Variants in GNA12 observed in about 807,000 individuals in gnomAD.
The protein encoded by GNA12 is G protein subunit alpha 12, also known as guanine nucleotide-binding protein subunit alpha-12.
Under a neutral mutation model 26.0 loss-of-function variants are expected in GNA12, and 9 were observed. That is an observed-to-expected ratio of 0.35 (90% CI 0.21 to 0.60). The LOEUF is 0.60. Ranked by LOEUF, GNA12 falls within the 20% of genes least tolerant of loss-of-function variation. The probability of loss-of-function intolerance (pLI) is 0.78; values close to 1 mark genes in which losing one functional copy is unlikely to be tolerated. For missense variants in GNA12, 405 were observed against 525.8 expected, an observed-to-expected ratio of 0.77 and a Z score of 2.25; for synonymous variants, 264 against 219.6, an observed-to-expected ratio of 1.20 and a Z score of -1.79.
intron 2 of GNA12, among the ~76,000 whole-genome samples, chr7:2,770,653 CAAAACA>C (rs1791924975): frequency 6.6e-6 from 1 of 151,664 alleles, no homozygotes; most frequent in Admixed American, 6.6e-5. Context: ...ATAACAACAA[CAAAACA>C]AAACAAAACA....
chr7:2,810,924 A>AG (rs71026562), intron 1 of GNA12, among the ~76,000 whole-genome samples: 19 of 151,340 alleles, frequency 1.3e-4, no homozygotes, highest in African/African-American at 3.9e-4. Flanking sequence ...AAAGAAAGAA[A>AG]AAAACAAAAA....
intron 2 of GNA12, chr7:2,763,144 C>T: frequency 1.7e-6 from 2 of 1,196,352 alleles, no homozygotes; most frequent in South Asian, 4.0e-5. Flanking sequence ...AAGCATTTCT[C>T]GAATATTCTG....
At position 2,788,325 on chromosome 7, in the gene GNA12, G is replaced by C. The variant is rs1478650498; in HGVS notation, c.525+6603C>G. Among the ~76,000 whole-genome samples, 3 of 152,092 alleles carry C rather than the reference G, an allele frequency of 2.0e-5. No homozygotes were observed. The East Asian group carries it at 5.8e-4, about 29-fold the overall frequency. The stretch of plus-strand genomic sequence containing the variant: ...ACAGCCTGCCTTGTCGCTGTGGCCA[G>C]GTAACTGTGTTCCCGTTCAGGAGAC... On this transcript the variant is annotated intron_variant, in intron 2 of 3. Coordinates refer to ENST00000275364, the MANE Select transcript of GNA12 (RefSeq NM_007353.3).
chr7:2,826,324 C>T (rs561019733), intron 1 of GNA12, among the ~76,000 whole-genome samples: 14 of 149,472 alleles, frequency 9.4e-5, no homozygotes, highest in African/African-American at 3.4e-4. Context: ...TTGCAGTGAG[C>T]CGAGATCACG....
intron 1 of GNA12, among the ~76,000 whole-genome samples, chr7:2,809,786 G>A (rs1489585824): frequency 6.6e-6 from 1 of 152,058 alleles, no homozygotes; most frequent in Admixed American, 6.5e-5. Flanking sequence ...TCACACATCT[G>A]TAAATATGTA....
At chr7:2,794,833 G>T in intron 2 of GNA12, 95 bp downstream of exon 2, 3 of 903,332 alleles carry the variant, frequency 3.3e-6, no homozygotes, top group Non-Finnish European at 5.4e-6. Context: ...TGCTTGGACT[G>T]TTACACAGTT....
chr7:2,792,607 T>C (rs966124389), intron 2 of GNA12, among the ~76,000 whole-genome samples: 1 of 152,232 alleles, frequency 6.6e-6, no homozygotes, highest in Non-Finnish European at 1.5e-5. Context: ...TGTGAGTGTA[T>C]GGGGAAAAGG....
At chr7:2,778,544 C>T (rs906161653) in intron 2 of GNA12, among the ~76,000 whole-genome samples, 2 of 152,198 alleles carry the variant, frequency 1.3e-5, no homozygotes, top group African/African-American at 4.8e-5. Flanking sequence ...TTGGGTAATA[C>T]AGGCCCCTAC....
At position 2,779,050 on chromosome 7, in the gene GNA12, T is replaced by C. The variant is rs768519962; in HGVS notation, c.525+15878A>G. ...GACTGCTTCACAGTGAGACTATCTC[T>C]ACAAAAAATAAAATTAAATTAGCTG... On this transcript the variant is annotated intron_variant, in intron 2 of 3. Transcript: ENST00000275364. 4.6e-5 allele frequency among the ~76,000 whole-genome samples: 7 copies of C among 152,166 alleles called. 1 individual carries two copies. Among genetic ancestry groups the C allele is most frequent in the South Asian group, 4.1e-4 (2 of 4,824 alleles).
intron 1 of GNA12, among the ~76,000 whole-genome samples, chr7:2,842,107 G>A (rs57653609): frequency 2.1e-4 from 17 of 80,868 alleles, no homozygotes; most frequent in Middle Eastern, 6.0e-3. Flanking sequence ...GGAAAGGAAG[G>A]AAGGGAAGGG....
intron 1 of GNA12, among the ~76,000 whole-genome samples, chr7:2,833,106 G>A (rs140065247): frequency 3.3e-4 from 51 of 152,252 alleles, no homozygotes; most frequent in African/African-American, 1.0e-3. Context: ...AAGGCAATCC[G>A]GTGGTCCTGA....
chr7:2,736,318 T>A (rs1018522080), intron 2 of GNA12, among the ~76,000 whole-genome samples: 1 of 152,098 alleles, frequency 6.6e-6, no homozygotes, highest in Admixed American at 6.5e-5. Context: ...CTCTCGGGAC[T>A]CTCCTTGGTG....
At chr7:2,762,775 G>C (rs780469944) in intron 2 of GNA12, 4 of 1,546,466 alleles carry the variant, frequency 2.6e-6, no homozygotes, top group African/African-American at 1.4e-5. Flanking sequence ...TTTCCACCCA[G>C]GCTGTACAAA....
rs774244411 is a variant in GNA12 at position 2,794,947 on chromosome 7, C to T, written c.506G>A (p.Arg169Gln). 15 of 1,613,862 alleles carry T rather than the reference C, an allele frequency of 9.3e-6. No individual in the cohort carries two copies. The African/African-American group carries it at 1.1e-4, about 11-fold the overall frequency. The change falls in exon 2 of 4, where the codon CGG becomes CAG. Residue 169 changes from arginine (R) to glutamine (Q), a missense_variant. Arg to Gln is a conservative substitution (Grantham distance 43). Transcript: ENST00000275364. ...RDSGIREAFS[R>Q]RSEFQLGESV... The stretch of plus-strand genomic sequence containing the variant: ...ACTCACCAGCTGAAACTCGCTTCTC[C>T]GGCTGAAAGCCTCCCTGATGCCAGA...
At chr7:2,771,910 G>A (rs1022750228) in intron 2 of GNA12, among the ~76,000 whole-genome samples, 1 of 152,106 alleles carries the variant, frequency 6.6e-6, no homozygotes, top group Non-Finnish European at 1.5e-5. Flanking sequence ...GTGAGAGCCT[G>A]AGTTCCCACC....
chr7:2,827,146 T>C (rs1583312608), intron 1 of GNA12, among the ~76,000 whole-genome samples: 1 of 152,162 alleles, frequency 6.6e-6, no homozygotes, highest in Non-Finnish European at 1.5e-5. Context: ...AGGTCACATA[T>C]TATATGATTC....
At chr7:2,751,948 C>T (rs778665858) in intron 2 of GNA12, among the ~76,000 whole-genome samples, 58 of 152,226 alleles carry the variant, frequency 3.8e-4, no homozygotes, top group African/African-American at 8.9e-4. Context: ...CACTAACGAA[C>T]GTGAACTTTT....
chr7:2,761,375 C>T (rs1791547092), intron 2 of GNA12, among the ~76,000 whole-genome samples: 2 of 152,332 alleles, frequency 1.3e-5, no homozygotes, highest in East Asian at 1.9e-4. Context: ...CTGTGATTTC[C>T]CTGAAACCAG....
intron 1 of GNA12, among the ~76,000 whole-genome samples, chr7:2,813,680 A>G (rs1793140178): frequency 6.6e-6 from 1 of 152,236 alleles, no homozygotes; most frequent in Non-Finnish European, 1.5e-5. Context: ...GTCAGAGTGC[A>G]GCTGGAGGAG....
Sources: gnomAD v4.1 joint callset for allele counts (sites outside exome capture counted in the v4.1 genomes callset) on GRCh38, gnomAD v4.1.1 for gene constraint, MANE v1.5 for transcripts, NCBI Gene and HGNC (gene_info 2026-07-23, HGNC 2026-07-21) for gene names.